COMMD1: variants seen among roughly 807,000 people sequenced by gnomAD.
COMMD1 encodes COMM domain-containing protein 1.
Under a neutral mutation model 17.2 loss-of-function variants are expected in COMMD1, and 10 were observed. The observed-to-expected ratio is 0.58, with a 90% confidence interval of 0.36 to 0.99. The LOEUF is 0.99. Among genes scored for constraint, COMMD1 ranks in the 50% least tolerant of loss-of-function variants. The probability of loss-of-function intolerance (pLI) is 0.01; values close to 1 mark genes in which losing one functional copy is unlikely to be tolerated. For synonymous variants in COMMD1, 97 were observed against 91.6 expected, an observed-to-expected ratio of 1.06 and a Z score of -0.34; for missense variants, 270 against 231.8, an observed-to-expected ratio of 1.17 and a Z score of -1.07.
intron 1 of COMMD1, among the ~76,000 whole-genome samples, chr2:61,907,410 C>T (rs1669800503): frequency 6.6e-6 from 1 of 152,114 alleles, no homozygotes. Flanking sequence ...CGGCCAAATG[C>T]TTCCTATTTC....
chr2:61,915,006 C>CT (rs112968937), intron 1 of COMMD1, among the ~76,000 whole-genome samples: 129 of 133,218 alleles, frequency 9.7e-4, no homozygotes, highest in Non-Finnish European at 1.7e-3. Flanking sequence ...CTTTTCTTTC[C>CT]TTTTTTTTTT....
intron 1 of COMMD1, among the ~76,000 whole-genome samples, chr2:61,955,690 T>A (rs1376405526): frequency 3.3e-5 from 5 of 152,080 alleles, no homozygotes; most frequent in Non-Finnish European, 7.4e-5. Context: ...GGACAAGAAT[T>A]GATATTTTTT....
chr2:61,892,513 T>G (rs1196038368), intron 1 of COMMD1, among the ~76,000 whole-genome samples: 1 of 151,764 alleles, frequency 6.6e-6, no homozygotes, highest in Admixed American at 6.6e-5. Flanking sequence ...GCTAACACGG[T>G]GAAACCCTGT....
At chr2:61,913,601 A>G (rs909975602) in intron 1 of COMMD1, among the ~76,000 whole-genome samples, 3 of 148,140 alleles carry the variant, frequency 2.0e-5, no homozygotes, top group African/African-American at 7.3e-5. Context: ...TAGCTCTACT[A>G]AAAATTGGCT....
intron 1 of COMMD1, among the ~76,000 whole-genome samples, chr2:61,925,337 C>G (rs558749868): frequency 5.3e-5 from 8 of 152,178 alleles, no homozygotes; most frequent in African/African-American, 1.4e-4. Flanking sequence ...GCCGGCTGCT[C>G]CATCACAGAC....
chr2:62,016,943 G>C (rs1293571590), intron 2 of COMMD1, among the ~76,000 whole-genome samples: 2 of 152,146 alleles, frequency 1.3e-5, no homozygotes, highest in Non-Finnish European at 2.9e-5. Flanking sequence ...AATGATTTAT[G>C]CTACTAGGGA....
At chr2:62,075,084 T>A (rs1671305364) in intron 2 of COMMD1, among the ~76,000 whole-genome samples, 1 of 151,990 alleles carries the variant, frequency 6.6e-6, no homozygotes, top group Non-Finnish European at 1.5e-5. Flanking sequence ...AGACAGGGTT[T>A]CGCCATGTAG....
chr2:62,045,256 A>G (rs1670346643), intron 2 of COMMD1, among the ~76,000 whole-genome samples: 1 of 152,172 alleles, frequency 6.6e-6, no homozygotes, highest in Non-Finnish European at 1.5e-5. Flanking sequence ...TTGAGCCATG[A>G]ATCACAGGTC....
At chr2:62,050,201 T>C (rs1203420418) in intron 2 of COMMD1, among the ~76,000 whole-genome samples, 2 of 152,186 alleles carry the variant, frequency 1.3e-5, no homozygotes, top group African/African-American at 4.8e-5. Flanking sequence ...AAGCATTAGA[T>C]CATTGCAAAA....
intron 1 of COMMD1, among the ~76,000 whole-genome samples, chr2:61,945,155 T>C (rs577334053): frequency 6.6e-6 from 1 of 152,286 alleles, no homozygotes; most frequent in Non-Finnish European, 1.5e-5. Flanking sequence ...TTGTTAATTG[T>C]AACTTTAGCC....
At chr2:61,998,603 T>G (rs1230844054) in intron 1 of COMMD1, among the ~76,000 whole-genome samples, 1 of 152,206 alleles carries the variant, frequency 6.6e-6, no homozygotes, top group Non-Finnish European at 1.5e-5. Flanking sequence ...GGAGTAGCAC[T>G]TTTAATTTCT....
intron 2 of COMMD1, among the ~76,000 whole-genome samples, chr2:62,040,479 TTA>T (rs1301443517): frequency 6.6e-6 from 1 of 152,124 alleles, no homozygotes; most frequent in Non-Finnish European, 1.5e-5. Flanking sequence ...TGAAAACAAT[TTA>T]TGTGAAGTGA....
intron 2 of COMMD1, among the ~76,000 whole-genome samples, chr2:62,131,749 C>T (rs937508841): frequency 1.3e-5 from 2 of 151,822 alleles, no homozygotes; most frequent in African/African-American, 4.8e-5. Context: ...CGCCATGTTG[C>T]CCAGGCTGGT....
intron 1 of COMMD1, among the ~76,000 whole-genome samples, chr2:61,955,659 A>G (rs1329604092): frequency 6.6e-6 from 1 of 151,912 alleles, no homozygotes; most frequent in Non-Finnish European, 1.5e-5. Context: ...GTGAATTACA[A>G]TTTTAATGCA....
intron 2 of COMMD1, among the ~76,000 whole-genome samples, chr2:62,016,370 G>A (rs1054317460): frequency 6.6e-6 from 1 of 151,142 alleles, no homozygotes; most frequent in Non-Finnish European, 1.5e-5. Flanking sequence ...TACCATGCCT[G>A]GTTAATTTTT....
chr2:61,989,350 A>G (rs1573038043), intron 1 of COMMD1, among the ~76,000 whole-genome samples: 1 of 152,302 alleles, frequency 6.6e-6, no homozygotes, highest in East Asian at 1.9e-4. Context: ...GACGTGTATA[A>G]TGACATGCAT....
At chr2:61,970,141 T>C (rs1215898891) in intron 1 of COMMD1, among the ~76,000 whole-genome samples, 1 of 151,738 alleles carries the variant, frequency 6.6e-6, no homozygotes, top group Non-Finnish European at 1.5e-5. Flanking sequence ...GCGTGTAATC[T>C]TAGCTACTTG....
intron 1 of COMMD1, among the ~76,000 whole-genome samples, chr2:61,996,314 A>ATGTGTGTGTGTGTG (rs70946774): frequency 3.5e-5 from 5 of 142,314 alleles, no homozygotes; most frequent in African/African-American, 1.3e-4. Flanking sequence ...TGTTTTCTAA[A>ATGTGTGTGTGTGTG]TGTGTGTGTG....
intron 2 of COMMD1, among the ~76,000 whole-genome samples, chr2:62,120,155 C>T (rs961333264): frequency 7.2e-5 from 11 of 152,070 alleles, no homozygotes; most frequent in Non-Finnish European, 1.3e-4. Context: ...TGTGCGCCAG[C>T]ACACTGGCTA....
Sources: gnomAD v4.1 joint callset for allele counts (sites outside exome capture counted in the v4.1 genomes callset) on GRCh38, gnomAD v4.1.1 for gene constraint, MANE v1.5 for transcripts, NCBI Gene and HGNC (gene_info 2026-07-23, HGNC 2026-07-21) for gene names.